The following FYCO1 variants were observed in gnomAD, a reference collection of about 807,000 sequenced individuals.
FYCO1 encodes the protein FYVE and coiled-coil domain autophagy adaptor 1.
In FYCO1, 122 loss-of-function variants were observed where a neutral mutation model predicts 165.1. The observed-to-expected ratio is 0.74, with a 90% CI of 0.64 to 0.86. The LOEUF is 0.86. Ranked by LOEUF, FYCO1 falls within the 40% of genes least tolerant of loss-of-function variation. The pLI, the probability that FYCO1 is intolerant of heterozygous loss-of-function variation, is 0.00. For synonymous variants in FYCO1, 648 were observed against 742.5 expected (o/e 0.87, Z 2.07); for missense variants, 1,702 against 1,810.3 (o/e 0.94, Z 1.09).
At chr3:45,929,947 G>A (rs1009904706) in intron 16 of FYCO1, among the ~76,000 whole-genome samples, 3 of 152,144 alleles carry the variant, frequency 2.0e-5, no homozygotes, top group African/African-American at 7.2e-5. Flanking sequence ...CTCCTAGCTG[G>A]GCTCTCCTGC....
chr3:45,953,880 C>T (rs1011434936), intron 14 of FYCO1, among the ~76,000 whole-genome samples: 4 of 152,232 alleles, frequency 2.6e-5, no homozygotes, highest in Admixed American at 2.0e-4. Context: ...AAAGGAACCT[C>T]TGAGAGGGCG....
chr3:45,968,368 C>T lies in FYCO1; in HGVS notation c.966G>A (p.Leu322=). 6.2e-7 allele frequency: 1 copy of T among 1,613,660 alleles called. No homozygotes were observed. The highest frequency in any genetic ancestry group is 1.3e-5 in the African/African-American group (1 of 75,068). Residue 322 remains leucine, a synonymous_variant, in exon 8 of 18, where the codon CTG becomes CTA. Transcript: ENST00000296137. ...CCTCCTTCTCTGCTGCTCCTAGCTC[C>T]AGGCCCTGCAGGCATGTCTGCAGCT... ...VKELQTCLQG[L]ELGAAEKEED... is the part of the protein sequence containing the mutation.
intron 5 of FYCO1, 38 bp from the exon 6 acceptor site, chr3:45,973,269 T>G (rs200688135): frequency 6.2e-7 from 1 of 1,605,884 alleles, no homozygotes; most frequent in Non-Finnish European, 8.5e-7. Flanking sequence ...GTAATAAAGA[T>G]AAAGTATGAA....
intron 14 of FYCO1, among the ~76,000 whole-genome samples, chr3:45,950,951 G>A (rs911612000): frequency 6.6e-6 from 1 of 152,144 alleles, no homozygotes; most frequent in Non-Finnish European, 1.5e-5. Flanking sequence ...AAATCTCCTG[G>A]TGGGTGACAA....
intron 15 of FYCO1, among the ~76,000 whole-genome samples, chr3:45,932,368 C>T (rs1044206533): frequency 6.6e-6 from 1 of 152,322 alleles, no homozygotes; most frequent in South Asian, 2.1e-4. Context: ...TAGGCCACGC[C>T]CTGTGCTCAA....
chr3:45,965,405 G>T (rs1377508106), intron 8 of FYCO1, among the ~76,000 whole-genome samples: 1 of 152,196 alleles, frequency 6.6e-6, no homozygotes, highest in Non-Finnish European at 1.5e-5. Context: ...ACTGGGTGGG[G>T]AGGCACATCT....
At chr3:45,923,516 A>G in intron 17 of FYCO1, 140 bp downstream of exon 17, 4 of 707,170 alleles carry the variant, frequency 5.7e-6, no homozygotes, top group Non-Finnish European at 1.0e-5. Context: ...CTGGAACACC[A>G]CAGGAGAGGG....
rs193181031 is a variant in FYCO1 at position 45,920,031 on chromosome 3, C to T, written c.*1734G>A. On this transcript the variant is annotated 3_prime_UTR_variant, in exon 18 of 18. Coordinates refer to ENST00000296137, the MANE Select transcript of FYCO1 (RefSeq NM_024513.4). ...CGAATGCAAGAGGCCCAGCTTTTCT[C>T]TGGGCAACCTCTTTGAAAGGTTCTA... 23 of 152,372 alleles carry T rather than the reference C, an allele frequency of 1.5e-4. No homozygotes were observed. Among genetic ancestry groups the T allele is most frequent in the Admixed American group, 1.5e-3 (23 of 15,308 alleles). The allele number at this position is 152,372 out of a possible 1,614,324, so 9.4% of individuals were successfully genotyped here.
At chr3:45,927,686 G>A (rs1356694117) in intron 16 of FYCO1, among the ~76,000 whole-genome samples, 1 of 152,218 alleles carries the variant, frequency 6.6e-6, no homozygotes, top group Non-Finnish European at 1.5e-5. Flanking sequence ...AGTTCCACCA[G>A]GGACTAAGGA....
At position 45,955,331 on chromosome 3, in the gene FYCO1, AT is replaced by A. The variant is rs777269054; in HGVS notation, c.3861del (p.Glu1287AspfsTer36). Reference protein sequence around the residue: ...DAVFDIITDEELCQIQESGSS... With the variant: ...DAVFDIITDEXLCQIQESGSS... ...GAGCCGGACTCCTGTATCTGGCACAATTCCTCATCTGTGATGATATCAAACA... is the reference window on the plus strand; with the variant it reads ...GAGCCGGACTCCTGTATCTGGCACAATCCTCATCTGTGATGATATCAAACA... On this transcript the variant is annotated frameshift_variant, in exon 14 of 18. Coordinates refer to ENST00000296137, the MANE Select transcript of FYCO1 (RefSeq NM_024513.4). LOFTEE classifies it high-confidence loss of function. 21 of 1,614,058 alleles carry A rather than the reference AT, an allele frequency of 1.3e-5. No homozygotes were observed. Among genetic ancestry groups the A allele is most frequent in the Non-Finnish European group, 1.6e-5 (19 of 1,180,030 alleles).
At chr3:45,931,791 A>C (rs1281160636) in intron 15 of FYCO1, among the ~76,000 whole-genome samples, 1 of 152,186 alleles carries the variant, frequency 6.6e-6, no homozygotes, top group African/African-American at 2.4e-5. Context: ...TCTGGCGTCC[A>C]TTGTAAGATT....
In FYCO1 at chr3:45,966,454, G is replaced by A. The variant is rs1706021587; in HGVS notation, c.2880C>T (p.Ser960=). Residue 960 remains serine, a synonymous_variant, in exon 8 of 18, where the codon AGC becomes AGT. Transcript: ENST00000296137. ...TGGCCGCCTTCAGCTTCTCCTGCAA[G>A]CTCTCCTTCTCTTGCTGCAGCCCAG... ...QVAGLQQEKE[S]LQEKLKAAKA... The A allele has an allele frequency of 4.3e-6, 7 of 1,611,440 alleles. No homozygotes were observed. The highest frequency in any genetic ancestry group is 5.9e-6 in the Non-Finnish European group (7 of 1,177,892).
chr3:45,963,953 T>C (rs1705846632), intron 10 of FYCO1, among the ~76,000 whole-genome samples: 1 of 152,188 alleles, frequency 6.6e-6, no homozygotes, highest in African/African-American at 2.4e-5. Flanking sequence ...AATGGGTAAA[T>C]GTATGCAAAG....
chr3:45,965,760 C>T (rs1180331066), intron 8 of FYCO1, among the ~76,000 whole-genome samples: 4 of 152,206 alleles, frequency 2.6e-5, no homozygotes, highest in Non-Finnish European at 5.9e-5. Context: ...TGGCCCTCTG[C>T]AGGGGTTTTA....
chr3:45,949,091 G>A (rs181487341), intron 14 of FYCO1, among the ~76,000 whole-genome samples: 53 of 152,306 alleles, frequency 3.5e-4, no homozygotes, highest in African/African-American at 1.2e-3. Flanking sequence ...CCTTCCAGGT[G>A]TGTGGCATAC....
Position 45,921,847 on chromosome 3 carries a change from A to T in FYCO1, c.4362-7T>A. On this transcript the variant is annotated splice_polypyrimidine_tract_variant and splice_region_variant and intron_variant, in intron 17 of 17. Transcript: ENST00000296137. ...TACCTTTTTAGAGACAAACCTGAGG[A>T]AACAGAAATGGAAAGGGAGGGTGTT... 1 of 1,598,294 alleles carries T rather than the reference A, an allele frequency of 6.3e-7. No individual in the cohort carries two copies. Among genetic ancestry groups the T allele is most frequent in the Non-Finnish European group, 8.6e-7 (1 of 1,165,682 alleles).
chr3:45,978,938 G>A (rs1706904455), intron 4 of FYCO1, among the ~76,000 whole-genome samples: 1 of 148,884 alleles, frequency 6.7e-6, no homozygotes, highest in Non-Finnish European at 1.5e-5. Flanking sequence ...CTCACTGCAA[G>A]CTCCGCCTCC....
At chr3:45,946,378 C>T in intron 14 of FYCO1, 1 of 1,008,720 alleles carries the variant, frequency 9.9e-7, no homozygotes, top group South Asian at 1.5e-5. Flanking sequence ...CTATTTGCCC[C>T]CTAAATGTGG....
In FYCO1 at chr3:45,967,012, A is replaced by G. The variant is rs773350018; in HGVS notation, c.2322T>C (p.Ser774=). ...CCTGATGGACTTCCAGCTGCGCCTG[A>G]GACAGGGCTAGCTGGGCAGCCAGCT... is the stretch of plus-strand genomic sequence containing the variant. ...ARELAAQLAL[S]QAQLEVHQGE... The change falls in exon 8 of 18, where the codon TCT becomes TCC. Residue 774 remains serine, a synonymous_variant. Transcript: ENST00000296137. The G allele has an allele frequency of 2.5e-6, 4 of 1,613,160 alleles. No individual in the cohort carries two copies. Among genetic ancestry groups the G allele is most frequent in the Non-Finnish European group, 3.4e-6 (4 of 1,180,000 alleles).
Sources: allele counts gnomAD v4.1 joint callset (sites outside exome capture counted in the v4.1 genomes callset), GRCh38; gene constraint gnomAD v4.1.1; transcripts MANE v1.5; gene names NCBI Gene and HGNC (gene_info 2026-07-23, HGNC 2026-07-21).